The following GRAMD1C variants were observed in gnomAD, a reference collection of about 807,000 sequenced individuals.
GRAMD1C encodes protein Aster-C.
Under a neutral mutation model 97.8 loss-of-function variants are expected in GRAMD1C, and 89 were observed. The observed-to-expected ratio is 0.91, with a 90% confidence interval of 0.77 to 1.09. The LOEUF (loss-of-function observed/expected upper bound fraction) is 1.09. Ranked by LOEUF, GRAMD1C falls within the 50% of genes least tolerant of loss-of-function variation. The probability of loss-of-function intolerance (pLI) is 0.00; values close to 1 mark genes in which losing one functional copy is unlikely to be tolerated. For synonymous variants in GRAMD1C, 256 were observed against 267.0 expected (o/e 0.96, Z 0.40); for missense variants, 740 against 766.4 (o/e 0.97, Z 0.41).
At chr3:113,945,250 C>G (rs1938011104) in intron 17 of GRAMD1C, 148 bp from the exon 18 acceptor site, 1 of 612,066 alleles carries the variant, frequency 1.6e-6, no homozygotes, top group South Asian at 2.0e-5. Flanking sequence ...CCCAAAGAAT[C>G]AGGTATTTTG....
At chr3:113,872,604 A>G (rs185909943) in intron 3 of GRAMD1C, among the ~76,000 whole-genome samples, 2 of 151,200 alleles carry the variant, frequency 1.3e-5, no homozygotes, top group Admixed American at 1.3e-4. Flanking sequence ...CATGTTGGCC[A>G]GGCTGGTCTT....
intron 2 of GRAMD1C, among the ~76,000 whole-genome samples, chr3:113,846,761 G>A (rs1389868172): frequency 6.6e-6 from 1 of 152,160 alleles, no homozygotes; most frequent in Non-Finnish European, 1.5e-5. Flanking sequence ...AGTTTGAGAA[G>A]CACTGATTTA....
At chr3:113,846,110 A>AT (rs60131213) in intron 2 of GRAMD1C, among the ~76,000 whole-genome samples, 5 of 144,168 alleles carry the variant, frequency 3.5e-5, no homozygotes, top group African/African-American at 1.3e-4. Context: ...TTCTGCACTA[A>AT]TTTTTTTTTT....
At chr3:113,895,487 C>T (rs1449475454) in intron 6 of GRAMD1C, among the ~76,000 whole-genome samples, 1 of 152,086 alleles carries the variant, frequency 6.6e-6, no homozygotes, top group African/African-American at 2.4e-5. Flanking sequence ...CCAGCTTTCT[C>T]CTTTAGCCTG....
intron 2 of GRAMD1C, among the ~76,000 whole-genome samples, chr3:113,864,144 A>G (rs958324859): frequency 6.6e-6 from 1 of 151,870 alleles, no homozygotes; most frequent in Non-Finnish European, 1.5e-5. Flanking sequence ...ATGGAGTCTC[A>G]CTCTGTCACC....
intron 2 of GRAMD1C, among the ~76,000 whole-genome samples, chr3:113,866,628 A>C (rs1026772267): frequency 6.6e-6 from 1 of 152,108 alleles, no homozygotes; most frequent in Non-Finnish European, 1.5e-5. Flanking sequence ...TGTGTCAAAT[A>C]CATATTTTTT....
intron 2 of GRAMD1C, chr3:113,850,310 G>A: frequency 1.4e-6 from 1 of 709,712 alleles, no homozygotes. Flanking sequence ...CACAGCCCCA[G>A]CCTCGACTTT....
chr3:113,861,518 A>C (rs988006787), intron 2 of GRAMD1C, among the ~76,000 whole-genome samples: 2 of 152,154 alleles, frequency 1.3e-5, no homozygotes, highest in African/African-American at 4.8e-5. Context: ...CCCATTTCTG[A>C]AAAATAAAAA....
Position 113,890,033 on chromosome 3 carries a change from T to C in GRAMD1C, c.540+7201T>C, listed in dbSNP as rs7612273. ...CCTTCCTGAAGTGGACAGACACATT[T>C]TGGCCTCCAGAGCTCTTCATGTTGA... On this transcript the variant is annotated intron_variant, in intron 6 of 17. Coordinates refer to ENST00000358160, the MANE Select transcript of GRAMD1C (RefSeq NM_017577.5). Among the ~76,000 whole-genome samples, 597 of 151,522 alleles carry C rather than the reference T, an allele frequency of 3.9e-3. 4 individuals carry two copies. The highest frequency in any genetic ancestry group is 0.014 in the African/African-American group (580 of 41,200).
chr3:113,885,990 T>C, intron 6 of GRAMD1C: 1 of 1,542,948 alleles, frequency 6.5e-7, no homozygotes, highest in African/African-American at 1.4e-5. Context: ...TGACGTTCAT[T>C]CTGTGCTGAG....
Position 113,850,522 on chromosome 3 carries a change from G to C in GRAMD1C, c.174+5873G>C, listed in dbSNP as rs1216787585. On this transcript the variant is annotated intron_variant, in intron 2 of 17. Transcript: ENST00000358160. ...AGATACTGGATGCCCTCATTGGTAA[G>C]GTACCAGTAGAAATGTCTCCAGGCA... is the stretch of plus-strand genomic sequence containing the variant. The C allele has an allele frequency of 5.7e-6, 9 of 1,588,122 alleles. No individual in the cohort carries two copies. The Admixed American group carries it at 8.4e-5, about 15-fold the overall frequency.
At chr3:113,846,679 C>T (rs1158761687) in intron 2 of GRAMD1C, among the ~76,000 whole-genome samples, 4 of 152,118 alleles carry the variant, frequency 2.6e-5, no homozygotes, top group African/African-American at 4.8e-5. Flanking sequence ...GAATCTTGGG[C>T]CCAACCTCAG....
At chr3:113,944,956 T>C (rs2107391520) in intron 17 of GRAMD1C, among the ~76,000 whole-genome samples, 1 of 152,348 alleles carries the variant, frequency 6.6e-6, no homozygotes, top group South Asian at 2.1e-4. Context: ...TGGGAGTTTA[T>C]AGGCAGAATG....
intron 2 of GRAMD1C, chr3:113,850,684 A>G: frequency 6.3e-7 from 1 of 1,592,324 alleles, no homozygotes; most frequent in East Asian, 2.2e-5. Context: ...CTCCCTCCTT[A>G]AAAAGGAGTT....
chr3:113,847,731 C>G (rs1316845699), intron 2 of GRAMD1C, among the ~76,000 whole-genome samples: 3 of 152,048 alleles, frequency 2.0e-5, no homozygotes, highest in South Asian at 2.1e-4. Flanking sequence ...GCCTGTAGTC[C>G]CAGGGGCTCA....
At chr3:113,883,209 C>CAG (rs1463273042) in intron 6 of GRAMD1C, among the ~76,000 whole-genome samples, 1 of 151,992 alleles carries the variant, frequency 6.6e-6, no homozygotes, top group East Asian at 1.9e-4. Context: ...AACCAAAAGG[C>CAG]AGAGATAGGC....
At chr3:113,860,475 T>G (rs1476397867) in intron 2 of GRAMD1C, among the ~76,000 whole-genome samples, 1 of 152,194 alleles carries the variant, frequency 6.6e-6, no homozygotes, top group Non-Finnish European at 1.5e-5. Context: ...ATCTACAGAT[T>G]CAACACTATC....
At chr3:113,850,728 A>T (rs377107547) in intron 2 of GRAMD1C, 5 of 1,510,058 alleles carry the variant, frequency 3.3e-6, no homozygotes, top group Non-Finnish European at 4.5e-6. Context: ...TTAGGCATCA[A>T]CATCTCCGCT....
intron 11 of GRAMD1C, among the ~76,000 whole-genome samples, chr3:113,931,754 C>T (rs1208482441): frequency 6.6e-6 from 1 of 152,064 alleles, no homozygotes; most frequent in African/African-American, 2.4e-5. Flanking sequence ...CACAGTGACA[C>T]TTTGTCTTTA....
Sources: allele counts gnomAD v4.1 joint callset (sites outside exome capture counted in the v4.1 genomes callset), GRCh38; gene constraint gnomAD v4.1.1; transcripts MANE v1.5; gene names NCBI Gene and HGNC (gene_info 2026-07-23, HGNC 2026-07-21).